Variants in PTPRT observed in about 807,000 individuals in gnomAD.
PTPRT encodes the protein receptor-type tyrosine-protein phosphatase T.
Under a neutral mutation model 176.8 loss-of-function variants are expected in PTPRT, and 56 were observed. The observed-to-expected ratio is 0.32, with a 90% CI of 0.26 to 0.40. The LOEUF (loss-of-function observed/expected upper bound fraction) is 0.40, where lower values mean the gene tolerates loss of function less well. PTPRT is among the 10% of genes least tolerant of loss of function. PTPRT has a pLI of 1.00. For missense variants in PTPRT, 1,540 were observed against 1,908.2 expected, an observed-to-expected ratio of 0.81 and a Z score of 3.60; for synonymous variants, 783 against 739.0, an observed-to-expected ratio of 1.06 and a Z score of -0.96.
intron 1 of PTPRT, among the ~76,000 whole-genome samples, chr20:43,081,044 T>A (rs775077076): frequency 6.6e-6 from 1 of 152,228 alleles, no homozygotes; most frequent in Non-Finnish European, 1.5e-5. Flanking sequence ...ATTTAGAATG[T>A]TATCATTTTA....
chr20:42,859,176 C>A (rs959910834), intron 2 of PTPRT, among the ~76,000 whole-genome samples: 2 of 152,160 alleles, frequency 1.3e-5, no homozygotes, highest in African/African-American at 4.8e-5. Flanking sequence ...GGTTTCATAA[C>A]TCCAATGATT....
chr20:42,510,610 T>C (rs1568938952), intron 7 of PTPRT, among the ~76,000 whole-genome samples: 1 of 152,028 alleles, frequency 6.6e-6, no homozygotes, highest in East Asian at 1.9e-4. Context: ...AAAACAACCT[T>C]TCCCATTATC....
At position 42,102,987 on chromosome 20, in the gene PTPRT, A is replaced by ATGGCTATT. The variant is rs951120164; in HGVS notation, c.3541-698_3541-691dup. Among the ~76,000 whole-genome samples the ATGGCTATT allele has an allele frequency of 5.1e-4, 78 of 152,280 alleles. 1 individual carries two copies. Among genetic ancestry groups the ATGGCTATT allele is most frequent in the African/African-American group, 1.8e-3 (74 of 41,564 alleles). On this transcript the variant is annotated intron_variant, in intron 25 of 30. Transcript: ENST00000373187. ...TCTCTGTCTCTACTTCAGATCAATAATGGCTATTTGTTTTAGGGATTGCTA... is the reference window on the plus strand; with the variant it reads ...TCTCTGTCTCTACTTCAGATCAATAATGGCTATTTGGCTATTTGTTTTAGGGATTGCTA...
chr20:42,601,846 T>C (rs1381694588), intron 7 of PTPRT, among the ~76,000 whole-genome samples: 1 of 152,168 alleles, frequency 6.6e-6, no homozygotes, highest in Non-Finnish European at 1.5e-5. Context: ...AGAACATCTC[T>C]GGCACTCTTT....
intron 7 of PTPRT, among the ~76,000 whole-genome samples, chr20:42,521,266 T>A (rs1054471170): frequency 3.9e-5 from 6 of 152,124 alleles, no homozygotes; most frequent in Non-Finnish European, 8.8e-5. Flanking sequence ...AAACTTACGA[T>A]TTAAATTTAG....
At chr20:42,559,682 AC>A (rs1481533022) in intron 7 of PTPRT, among the ~76,000 whole-genome samples, 1 of 152,182 alleles carries the variant, frequency 6.6e-6, no homozygotes, top group African/African-American at 2.4e-5. Context: ...AGAAGGGAGA[AC>A]AACTTGGTCT....
intron 7 of PTPRT, among the ~76,000 whole-genome samples, chr20:42,629,515 C>A (rs1211734763): frequency 1.3e-5 from 2 of 152,146 alleles, no homozygotes; most frequent in South Asian, 2.1e-4. Flanking sequence ...GTGGCAAACA[C>A]ATTTTCCTAC....
intron 6 of PTPRT, among the ~76,000 whole-genome samples, chr20:42,693,266 A>G (rs948688637): frequency 3.3e-5 from 5 of 152,178 alleles, no homozygotes; most frequent in Admixed American, 2.6e-4. Flanking sequence ...AGAAGAATCA[A>G]TATTGTAAAG....
chr20:42,340,911 G>A (rs922437493), intron 11 of PTPRT, among the ~76,000 whole-genome samples: 5 of 152,106 alleles, frequency 3.3e-5, no homozygotes, highest in Admixed American at 6.6e-5. Context: ...CTTTCAAGGA[G>A]TTTCACCAGT....
intron 11 of PTPRT, among the ~76,000 whole-genome samples, chr20:42,319,727 GGTATTAT>G (rs2057772969): frequency 6.6e-6 from 1 of 151,998 alleles, no homozygotes; most frequent in South Asian, 2.1e-4. Flanking sequence ...CAAGAAATTG[GGTATTAT>G]TTGTATTTCT....
At chr20:43,053,629 G>A (rs1987129204) in intron 1 of PTPRT, among the ~76,000 whole-genome samples, 1 of 152,146 alleles carries the variant, frequency 6.6e-6, no homozygotes, top group African/African-American at 2.4e-5. Flanking sequence ...CTGGATTCCT[G>A]CCTTTGTCTT....
At position 42,232,813 on chromosome 20, in the gene PTPRT, CAAA is replaced by C. The variant is rs5841454; in HGVS notation, c.2342+3413_2342+3415del. On this transcript the variant is annotated intron_variant, in intron 15 of 30. Coordinates refer to ENST00000373187, the MANE Select transcript of PTPRT (RefSeq NM_007050.6). ...AGTATCATGTTTCTTCTCTGTTTTA[CAAA>C]AAAAAAAAAAAAAAAAAAAAGGTGA... is the stretch of plus-strand genomic sequence containing the variant. Among the ~76,000 whole-genome samples the C allele has an allele frequency of 8.3e-3, 523 of 63,242 alleles. 5 individuals carry two copies. Among genetic ancestry groups the C allele is most frequent in the African/African-American group, 0.024 (505 of 20,656 alleles). 41.5% of individuals were successfully genotyped at this position (63,242 alleles called of 152,430 possible). A position where few individuals can be genotyped will look rare whatever the true frequency, so the allele number is the denominator to read the frequency against.
intron 17 of PTPRT, among the ~76,000 whole-genome samples, chr20:42,152,511 A>G (rs1004773861): frequency 6.6e-6 from 1 of 152,242 alleles, no homozygotes; most frequent in Non-Finnish European, 1.5e-5. Context: ...GTCTGCATGT[A>G]GACTCACAAA....
chr20:43,021,487 G>GGGTA (rs1215191625), intron 1 of PTPRT, among the ~76,000 whole-genome samples: 8 of 152,162 alleles, frequency 5.3e-5, no homozygotes, highest in Admixed American at 2.0e-4. Context: ...CAGTTGGATG[G>GGGTA]GGTAGGTCAT....
rs529234523 is a variant in PTPRT, at chr20:42,325,313, A to G, written c.1866-9317T>C. Among the ~76,000 whole-genome samples the G allele has an allele frequency of 1.7e-4, 26 of 152,256 alleles. No homozygotes were observed. The South Asian group carries it at 5.4e-3, about 32-fold the overall frequency. ...AATATTACTGAATTAGACACCAAAG[A>G]GTGGCTTTGTTTCTTATTTGGGCCC... is the stretch of plus-strand genomic sequence containing the variant. On this transcript the variant is annotated intron_variant, in intron 11 of 30. Coordinates refer to ENST00000373187, the MANE Select transcript of PTPRT (RefSeq NM_007050.6).
intron 11 of PTPRT, among the ~76,000 whole-genome samples, chr20:42,336,087 G>C (rs988494618): frequency 6.6e-6 from 1 of 152,016 alleles, no homozygotes; most frequent in African/African-American, 2.4e-5. Flanking sequence ...ATCTTAGCAA[G>C]CTTTAAATTA....
chr20:42,796,511 GA>G lies in PTPRT; in HGVS notation c.215-5046del, dbSNP rs1401892066. On this transcript the variant is annotated intron_variant, in intron 2 of 30. Transcript: ENST00000373187. ...CTTGGCCAAGGTCAACCAACACAAT[GA>G]AGATTTAGACTCAGATTTTCCGACT... Among the ~76,000 whole-genome samples, 3 of 152,170 alleles carry G rather than the reference GA, an allele frequency of 2.0e-5. No individual in the cohort carries two copies. The East Asian group carries it at 5.8e-4, about 29-fold the overall frequency.
At chr20:42,247,417 T>A (rs1416825848) in intron 14 of PTPRT, among the ~76,000 whole-genome samples, 1 of 152,196 alleles carries the variant, frequency 6.6e-6, no homozygotes, top group Admixed American at 6.5e-5. Context: ...TTTTAAAAAA[T>A]TCTTCATTTT....
intron 7 of PTPRT, among the ~76,000 whole-genome samples, chr20:42,559,185 C>A (rs1343645378): frequency 6.6e-6 from 1 of 152,114 alleles, no homozygotes; most frequent in African/African-American, 2.4e-5. Context: ...GCCCTTTGAG[C>A]AGGATTTAAT....
Sources: gnomAD v4.1 joint callset for allele counts (sites outside exome capture counted in the v4.1 genomes callset) on GRCh38, gnomAD v4.1.1 for gene constraint, MANE v1.5 for transcripts, NCBI Gene and HGNC (gene_info 2026-07-23, HGNC 2026-07-21) for gene names.